Variants in CAPN2 observed in about 807,000 individuals in gnomAD.
CAPN2 encodes calpain 2.
CAPN2 carries 92 observed loss-of-function variants against 102.3 expected under a neutral mutation model. The ratio of observed to expected loss-of-function variants is 0.90; its 90% CI spans 0.76 to 1.07. The LOEUF is 1.07. CAPN2 is among the 50% of genes least tolerant of loss of function. The probability of loss-of-function intolerance (pLI) is 0.00; values close to 1 mark genes in which losing one functional copy is unlikely to be tolerated. For missense variants in CAPN2, 800 were observed against 909.4 expected, an observed-to-expected ratio of 0.88 and a Z score of 1.55; for synonymous variants, 340 against 355.4, an observed-to-expected ratio of 0.96 and a Z score of 0.49.
Position 223,769,171 on chromosome 1 carries a change from G to A in CAPN2, c.1756-670G>A, listed in dbSNP as rs556565044. Among the ~76,000 whole-genome samples, 69 of 152,250 alleles carry A rather than the reference G, an allele frequency of 4.5e-4. No individual in the cohort carries two copies. The South Asian group carries it at 0.013, about 29-fold the overall frequency. The stretch of plus-strand genomic sequence containing the variant: ...GTCTCACTGTGTCACCCAGGCTGGA[G>A]GGCAGTGGCATGATCTCAGCTCACT... On this transcript the variant is annotated intron_variant, in intron 16 of 20. Transcript: ENST00000295006.
At chr1:223,741,401 T>G (rs1017550481) in intron 2 of CAPN2, among the ~76,000 whole-genome samples, 5 of 148,284 alleles carry the variant, frequency 3.4e-5, no homozygotes, top group Non-Finnish European at 1.5e-5. Context: ...AAAAACTTTT[T>G]GAATCTTTGG....
At chr1:223,724,873 T>C (rs1660148306) in intron 2 of CAPN2, among the ~76,000 whole-genome samples, 1 of 152,170 alleles carries the variant, frequency 6.6e-6, no homozygotes, top group Non-Finnish European at 1.5e-5. Flanking sequence ...CTTGGGAGGC[T>C]GAGGTGGGAG....
In CAPN2 at chr1:223,759,874, C is replaced by T. The variant is rs1374924069; in HGVS notation, c.1529+393C>T. Among the ~76,000 whole-genome samples the T allele has an allele frequency of 6.6e-6, 1 of 151,868 alleles. No individual in the cohort carries two copies. The highest frequency in any genetic ancestry group is 2.4e-5 in the African/African-American group (1 of 41,328). On this transcript the variant is annotated intron_variant, in intron 12 of 20. Coordinates refer to ENST00000295006, the MANE Select transcript of CAPN2 (RefSeq NM_001748.5). This position sits in a 1 kb window ranked among gnomAD's most constrained non-coding sequence, Gnocchi z 4.6. ...CAGGCCACCTGGCCTAGCAGAGCCA[C>T]CAAGGGTGTAAGGTGGGAACCATCT...
intron 15 of CAPN2, among the ~76,000 whole-genome samples, chr1:223,765,027 AC>A (rs1390860191): frequency 5.3e-5 from 8 of 152,190 alleles, no homozygotes; most frequent in Non-Finnish European, 1.2e-4. Flanking sequence ...CAAAAGAATC[AC>A]GCTGCATTTG....
chr1:223,702,130 G>GAAGT (rs1659497195), intron 1 of CAPN2, among the ~76,000 whole-genome samples: 1 of 139,550 alleles, frequency 7.2e-6, no homozygotes, highest in Non-Finnish European at 1.6e-5. Flanking sequence ...AGGAAGGAAG[G>GAAGT]AAGGAAAGAA....
At chr1:223,711,460 T>G (rs1659725663), upstream of CAPN2, among the ~76,000 whole-genome samples, 1 of 152,206 alleles carries the variant, frequency 6.6e-6, no homozygotes, top group East Asian at 1.9e-4. Flanking sequence ...AATATGAGTT[T>G]CAGGTAAACA....
At chr1:223,745,739 A>G (rs1660736740) in intron 4 of CAPN2, among the ~76,000 whole-genome samples, 1 of 152,248 alleles carries the variant, frequency 6.6e-6, no homozygotes, top group African/African-American at 2.4e-5. Flanking sequence ...GCCTGGCTGC[A>G]CTGTACGCTG....
intron 2 of CAPN2, among the ~76,000 whole-genome samples, chr1:223,734,050 C>T (rs1487906603): frequency 2.6e-5 from 4 of 152,138 alleles, no homozygotes; most frequent in African/African-American, 9.7e-5. Flanking sequence ...GTCTTTCCTT[C>T]TGTTATGTGA....
At chr1:223,765,598 C>T (rs1357652556) in intron 15 of CAPN2, among the ~76,000 whole-genome samples, 2 of 152,218 alleles carry the variant, frequency 1.3e-5, no homozygotes, top group East Asian at 1.9e-4. Flanking sequence ...TCGCTCCGCG[C>T]GTGCCTCTGA....
intron 1 of CAPN2, among the ~76,000 whole-genome samples, chr1:223,703,366 A>G (rs993396348): frequency 6.6e-6 from 1 of 151,606 alleles, no homozygotes; most frequent in Non-Finnish European, 1.5e-5. Context: ...CTGGTCTCAA[A>G]CCCCTGGGCT....
At chr1:223,749,244 CG>C (rs1467755140) in intron 6 of CAPN2, 122 bp downstream of exon 6, 5 of 821,022 alleles carry the variant, frequency 6.1e-6, no homozygotes, top group Non-Finnish European at 9.9e-6. Context: ...ACTCGGGCCC[CG>C]CACTCCTGAA....
intron 15 of CAPN2, among the ~76,000 whole-genome samples, chr1:223,764,870 G>A (rs920622742): frequency 3.3e-5 from 5 of 152,196 alleles, no homozygotes; most frequent in African/African-American, 1.2e-4. Flanking sequence ...TTACAGGTGT[G>A]AGCCACCGTG....
At chr1:223,739,595 G>A (rs551913976) in intron 2 of CAPN2, among the ~76,000 whole-genome samples, 39 of 152,294 alleles carry the variant, frequency 2.6e-4, no homozygotes, top group South Asian at 4.1e-4. Context: ...TGTTCAGACA[G>A]TCCTCTGAGG....
rs1334192686 is a variant in CAPN2 at position 223,725,807 on chromosome 1, C to G, written c.307+7976C>G. ...CAGTGCCAAGGAACGTGGACTCTCT[C>G]CTATCCCAGCACATACACGTGCTTC... On this transcript the variant is annotated intron_variant, in intron 2 of 20. Coordinates refer to ENST00000295006, the MANE Select transcript of CAPN2 (RefSeq NM_001748.5). The surrounding 1 kb of genome is among the most constrained non-coding windows in gnomAD (Gnocchi z 4.1). Among the ~76,000 whole-genome samples the G allele has an allele frequency of 6.6e-6, 1 of 152,202 alleles. No individual in the cohort carries two copies. Among genetic ancestry groups the G allele is most frequent in the Admixed American group, 6.5e-5 (1 of 15,280 alleles).
In CAPN2 at chr1:223,759,644, A is replaced by G. The variant is rs1324985927; in HGVS notation, c.1529+163A>G. On this transcript the variant is annotated intron_variant, in intron 12 of 20. Coordinates refer to ENST00000295006, the MANE Select transcript of CAPN2 (RefSeq NM_001748.5). This position sits in a 1 kb window ranked among gnomAD's most constrained non-coding sequence, Gnocchi z 4.6. ...GTGTGGGGATTTGATGGATTGAGGA[A>G]GTTCTAGTGTTATAGTAAGGTAAAC... is the stretch of plus-strand genomic sequence containing the variant. 3.3e-5 allele frequency among the ~76,000 whole-genome samples: 5 copies of G among 152,152 alleles called. No individual in the cohort carries two copies. Among genetic ancestry groups the G allele is most frequent in the African/African-American group, 1.2e-4 (5 of 41,420 alleles).
intron 20 of CAPN2, among the ~76,000 whole-genome samples, chr1:223,774,517 C>T (rs1227491766): frequency 6.6e-6 from 1 of 152,180 alleles, no homozygotes; most frequent in Non-Finnish European, 1.5e-5. Context: ...ATCCACATCC[C>T]AAACTAACTT....
At chr1:223,757,307 C>T (rs561746337) in intron 10 of CAPN2, 62 bp from the exon 11 acceptor site, 8 of 1,579,340 alleles carry the variant, frequency 5.1e-6, no homozygotes, top group African/African-American at 1.3e-5. Flanking sequence ...GAGAAGAGCA[C>T]AGTGATGCAT....
chr1:223,710,191 G>A (rs1046540730), upstream of CAPN2, among the ~76,000 whole-genome samples: 5 of 152,170 alleles, frequency 3.3e-5, no homozygotes, highest in South Asian at 2.1e-4. Flanking sequence ...CAGGAGAATC[G>A]CTGGAACCCG....
Position 223,775,094 on chromosome 1 carries a change from A to C in CAPN2, c.*237A>C. On this transcript the variant is annotated 3_prime_UTR_variant, in exon 21 of 21. Transcript: ENST00000295006. Reference sequence around the variant, plus strand: ...CAAATGAGTCGCTTAACCCTTGACAAGGTCAAAGAAAGCTTTAAATCTGTA... The same window carrying C: ...CAAATGAGTCGCTTAACCCTTGACACGGTCAAAGAAAGCTTTAAATCTGTA... The C allele has an allele frequency of 1.9e-6, 1 of 534,820 alleles. No individual in the cohort carries two copies. The allele number at this position is 534,820 out of a possible 1,614,324, so 33.1% of individuals were successfully genotyped here. A position where few individuals can be genotyped will look rare whatever the true frequency, so the allele number is the denominator to read the frequency against.
Sources: allele counts gnomAD v4.1 joint callset (sites outside exome capture counted in the v4.1 genomes callset), GRCh38; gene constraint gnomAD v4.1.1; non-coding constraint Gnocchi (gnomAD v3.1); transcripts MANE v1.5; gene names NCBI Gene and HGNC (gene_info 2026-07-23, HGNC 2026-07-21).